KAZN: variants seen among roughly 807,000 people sequenced by gnomAD.
The protein encoded by KAZN is kazrin.
In KAZN, 40 loss-of-function variants were observed where a neutral mutation model predicts 87.4. The observed-to-expected ratio is 0.46, with a 90% confidence interval of 0.36 to 0.60. The LOEUF (loss-of-function observed/expected upper bound fraction) is 0.60, where lower values mean the gene tolerates loss of function less well. KAZN is among the 20% of genes least tolerant of loss of function. The pLI is 0.00. For missense variants in KAZN, 898 were observed against 1,073.9 expected (o/e 0.84, Z 2.29); for synonymous variants, 466 against 458.3 (o/e 1.02, Z -0.22).
intron 1 of KAZN, among the ~76,000 whole-genome samples, chr1:14,175,369 C>T (rs1321603875): frequency 1.3e-5 from 2 of 152,204 alleles, no homozygotes; most frequent in African/African-American, 4.8e-5. Context: ...TCCCGAAGTG[C>T]TGGGATTTCA....
chr1:14,332,845 A>C (rs935873521), intron 2 of KAZN, among the ~76,000 whole-genome samples: 1 of 149,894 alleles, frequency 6.7e-6, no homozygotes, highest in African/African-American at 2.5e-5. Context: ...TTAGGTGCTC[A>C]GCAAAACTGA....
At chr1:14,379,641 G>C (rs1255796228) in intron 2 of KAZN, among the ~76,000 whole-genome samples, 2 of 152,146 alleles carry the variant, frequency 1.3e-5, no homozygotes, top group Non-Finnish European at 2.9e-5. Context: ...GGTGGCCATG[G>C]GATGAGGTTC....
intron 2 of KAZN, among the ~76,000 whole-genome samples, chr1:14,284,321 A>G (rs868390355): frequency 3.7e-4 from 57 of 152,190 alleles, no homozygotes; most frequent in African/African-American, 1.4e-3. Context: ...GGAAAACGAA[A>G]TGGAAGTGAT....
At chr1:14,373,644 A>G (rs1557671679) in intron 2 of KAZN, among the ~76,000 whole-genome samples, 1 of 152,218 alleles carries the variant, frequency 6.6e-6, no homozygotes, top group African/African-American at 2.4e-5. Context: ...GTTGACACAT[A>G]AAATTAACAA....
At chr1:14,805,211 G>A (rs1011107949) in intron 1 of KAZN, among the ~76,000 whole-genome samples, 4 of 152,182 alleles carry the variant, frequency 2.6e-5, no homozygotes, top group Admixed American at 1.3e-4. Context: ...AGGTGGTCCA[G>A]GGTAGCTCTG....
chr1:14,261,633 A>AT (rs1217119673), intron 2 of KAZN, among the ~76,000 whole-genome samples: 3 of 152,122 alleles, frequency 2.0e-5, no homozygotes, highest in African/African-American at 7.2e-5. Context: ...TCATGCTGAC[A>AT]TTTGGGGGTG....
At position 15,034,902 on chromosome 1, in the gene KAZN, C is replaced by T. The variant is rs1035929884; in HGVS notation, c.555+17C>T. The T allele has an allele frequency of 3.4e-6, 5 of 1,487,498 alleles. No homozygotes were observed. Among genetic ancestry groups the T allele is most frequent in the Non-Finnish European group, 4.7e-6 (5 of 1,070,930 alleles). The allele number at this position is 1,487,498 out of a possible 1,614,324, so 92.1% of individuals were successfully genotyped here. ...CACCGCAAGGTCAGCCGCCGCCCTG[C>T]CCTCCCCTCCCCTCCCGACACACCA... On this transcript the variant is annotated intron_variant, in intron 3 of 14. Transcript: ENST00000376030.
At chr1:15,002,440 C>T (rs574024732) in intron 2 of KAZN, among the ~76,000 whole-genome samples, 4 of 152,266 alleles carry the variant, frequency 2.6e-5, no homozygotes, top group Admixed American at 6.5e-5. Context: ...CTGAGTTTTT[C>T]GTGCCATAGA....
intron 2 of KAZN, among the ~76,000 whole-genome samples, chr1:14,477,458 C>A (rs1349187286): frequency 7.2e-6 from 1 of 139,566 alleles, no homozygotes; most frequent in African/African-American, 3.1e-5. Flanking sequence ...CTCTCTCTCT[C>A]TCTCTTTCTC....
chr1:14,986,002 C>CAAAAAAAA (rs56725513), intron 2 of KAZN, among the ~76,000 whole-genome samples: 1 of 56,744 alleles, frequency 1.8e-5, no homozygotes, highest in East Asian at 4.7e-4. Flanking sequence ...GACTCTGTCT[C>CAAAAAAAA]AAAAAAAAAA....
chr1:15,041,340 T>TTTTTTTTG (rs1553178779), intron 3 of KAZN, among the ~76,000 whole-genome samples: 8 of 146,084 alleles, frequency 5.5e-5, no homozygotes, highest in African/African-American at 1.3e-4. Context: ...TCTTTTTTTT[T>TTTTTTTTG]TTTTTTGTTT....
chr1:14,901,393 C>G (rs1202671354), intron 1 of KAZN, among the ~76,000 whole-genome samples: 1 of 151,658 alleles, frequency 6.6e-6, no homozygotes, highest in Non-Finnish European at 1.5e-5. Context: ...AGGCAGGGGA[C>G]AGATGATGCT....
At position 14,455,354 on chromosome 1, in the gene KAZN, C is replaced by T. The variant is rs147248013; in HGVS notation, c.250-143629C>T. 1.6e-4 allele frequency among the ~76,000 whole-genome samples: 24 copies of T among 152,278 alleles called. No homozygotes were observed. In the East Asian group the frequency reaches 1.9e-3, roughly 12 times the overall value. On this transcript the variant is annotated intron_variant, in intron 2 of 16. Coordinates refer to the KAZN transcript ENST00000636203. ...ATAAGCAACTTGAGGACAGAGATATCATGTCTCACTGTCTTCAGAATTCCC... is the reference window on the plus strand; with the variant it reads ...ATAAGCAACTTGAGGACAGAGATATTATGTCTCACTGTCTTCAGAATTCCC...
intron 1 of KAZN, among the ~76,000 whole-genome samples, chr1:13,970,049 A>G (rs10803441): frequency 0.42 from 63,603 of 152,052 alleles, 13,603 homozygotes; most frequent in East Asian, 0.64. Context: ...AATTCATGCT[A>G]TTTCTATTCT....
At chr1:14,455,364 T>C (rs1339999429) in intron 2 of KAZN, among the ~76,000 whole-genome samples, 1 of 152,210 alleles carries the variant, frequency 6.6e-6, no homozygotes, top group Non-Finnish European at 1.5e-5. Flanking sequence ...CATGTCTCAC[T>C]GTCTTCAGAA....
At chr1:14,257,971 AAG>A (rs1336816564) in intron 2 of KAZN, among the ~76,000 whole-genome samples, 7 of 132,668 alleles carry the variant, frequency 5.3e-5, no homozygotes, top group African/African-American at 1.2e-4. Context: ...AAAAAAAAAA[AAG>A]AGAAAAAAAA....
chr1:14,637,948 G>A (rs1282753286), intron 1 of KAZN, among the ~76,000 whole-genome samples: 1 of 152,080 alleles, frequency 6.6e-6, no homozygotes, highest in Non-Finnish European at 1.5e-5. Context: ...GTCTGGGGGA[G>A]AGACTATCCC....
intron 2 of KAZN, among the ~76,000 whole-genome samples, chr1:14,995,323 G>C (rs1382787969): frequency 6.6e-6 from 1 of 152,146 alleles, no homozygotes; most frequent in Non-Finnish European, 1.5e-5. Flanking sequence ...GGCGCTCCAG[G>C]GACAATCTTC....
intron 2 of KAZN, among the ~76,000 whole-genome samples, chr1:14,587,152 G>C (rs1377515031): frequency 6.6e-6 from 1 of 152,092 alleles, no homozygotes. Context: ...ATTGACAAAA[G>C]GGGCCAGGCG....
Sources: allele counts gnomAD v4.1 joint callset (sites outside exome capture counted in the v4.1 genomes callset), GRCh38; gene constraint gnomAD v4.1.1; transcripts MANE v1.5; gene names NCBI Gene and HGNC (gene_info 2026-07-23, HGNC 2026-07-21).